Variants in FBH1 observed in about 807,000 individuals in gnomAD.
FBH1 encodes DNA 3'-5' helicase 1.
FBH1 carries 43 observed loss-of-function variants against 115.5 expected under a neutral mutation model. That is an observed-to-expected ratio of 0.37 (90% CI 0.29 to 0.48). The LOEUF (loss-of-function observed/expected upper bound fraction) is 0.48, where lower values mean the gene tolerates loss of function less well. FBH1 is among the 20% of genes least tolerant of loss of function. The pLI is 0.99. For synonymous variants in FBH1, 524 were observed against 507.8 expected, an observed-to-expected ratio of 1.03 and a Z score of -0.43; for missense variants, 1,001 against 1,337.3, an observed-to-expected ratio of 0.75 and a Z score of 3.92.
At position 5,914,144 on chromosome 10, in the gene FBH1, T is replaced by TA; in HGVS notation, c.1305-34_1305-33insA. ...ATCCCCTGGACTTTTCACGTCTTTC[T>TA]GTTTTTCTTACTTCTCTTTTGTAAT... On this transcript the variant is annotated intron_variant, in intron 7 of 20. Transcript: ENST00000362091. The surrounding 1 kb of genome is among the most constrained non-coding windows in gnomAD (Gnocchi z 5.2). 1 of 1,601,486 alleles carries TA rather than the reference T, an allele frequency of 6.2e-7. No individual in the cohort carries two copies. The highest frequency in any genetic ancestry group is 8.6e-7 in the Non-Finnish European group (1 of 1,168,752).
At chr10:5,927,583 A>G (rs1832728658) in intron 19 of FBH1, 42 bp downstream of exon 19, 2 of 1,521,240 alleles carry the variant, frequency 1.3e-6, no homozygotes, top group Non-Finnish European at 9.1e-7. Flanking sequence ...ATGCCATTGA[A>G]TGTTATTTAG....
intron 1 of FBH1, 148 bp from the exon 2 acceptor site, chr10:5,902,872 G>T: frequency 1.8e-6 from 1 of 568,628 alleles, no homozygotes. Flanking sequence ...GACAAAGTTG[G>T]GGGGCAAGGG....
In FBH1 at chr10:5,890,366, T is replaced by G. The variant is rs955736012; in HGVS notation, c.1+20T>G. On this transcript the variant is annotated intron_variant, in intron 1 of 20. Transcript: ENST00000362091. ...GCCACAGTGCGTGAGGCCGCAGACG[T>G]GGCAGGGAGTGTGGGAGGGGCTCCG... 3 of 372,694 alleles carry G rather than the reference T, an allele frequency of 8.0e-6. No individual in the cohort carries two copies. Among genetic ancestry groups the G allele is most frequent in the Non-Finnish European group, 1.5e-5 (3 of 199,956 alleles). The allele number at this position is 372,694 out of a possible 1,614,324, so 23.1% of individuals were successfully genotyped here.
In FBH1 at chr10:5,906,388, C is replaced by T. The variant is rs773482471; in HGVS notation, c.509C>T (p.Thr170Met). 31 of 1,613,990 alleles carry T rather than the reference C, an allele frequency of 1.9e-5. No individual in the cohort carries two copies. Among genetic ancestry groups the T allele is most frequent in the South Asian group, 2.2e-5 (2 of 91,088 alleles). The change falls in exon 3 of 21, where the codon ACG (threonine) becomes ATG (methionine). Residue 170 changes from threonine (T) to methionine (M), a missense_variant. By Grantham distance (81) the Thr-to-Met change is moderately conservative (BLOSUM62 -1). Around this residue, in one of 4 missense-constraint regions of FBH1, gnomAD observed 420 missense variants for 430.4 expected, o/e 0.98. Transcript: ENST00000362091. This position sits in a 1 kb window ranked among gnomAD's most constrained non-coding sequence, Gnocchi z 7.3. ...GCCAGGCAAGAAGCAGAGGACAGTA[C>T]GTCTCGGCTCTCTGCGGAGTCTGGT... is the stretch of plus-strand genomic sequence containing the variant. ...REARQEAEDS[T>M]SRLSAESGET...
rs61755069 is a variant in FBH1 at position 5,915,500 on chromosome 10, C to T, written c.1494C>T (p.Ala498=). The T allele has an allele frequency of 9.1e-5, 147 of 1,614,066 alleles. 1 individual carries two copies. The highest frequency in any genetic ancestry group is 4.4e-4 in the South Asian group (40 of 91,084). ...VTFNKSIAKQ[A]ERVFPSNVIC... The stretch of plus-strand genomic sequence containing the variant: ...TCAACAAGAGCATCGCAAAGCAGGC[C>T]GAACGCGTCTTCCCCAGCAACGTCA... The change falls in exon 9 of 21, where the codon GCC becomes GCT. Residue 498 remains alanine (A), a synonymous_variant. Coordinates refer to ENST00000362091, the MANE Select transcript of FBH1 (RefSeq NM_178150.3). This position sits in a 1 kb window ranked among gnomAD's most constrained non-coding sequence, Gnocchi z 5.2.
In FBH1 at chr10:5,937,272, G is replaced by C. The variant is rs770703881; in HGVS notation, c.3124G>C (p.Val1042Leu). 6.3e-7 allele frequency: 1 copy of C among 1,599,972 alleles called. No homozygotes were observed. The highest frequency in any genetic ancestry group is 1.3e-5 in the African/African-American group (1 of 74,676). The change falls in exon 21 of 21, where the codon GTC (valine) becomes CTC (leucine). Residue 1042 changes from valine (V) to leucine (L), a missense_variant. By Grantham distance (32) the Val-to-Leu change is conservative. Coordinates refer to ENST00000362091, the MANE Select transcript of FBH1 (RefSeq NM_178150.3). ...CCGGCATGAGGCCCTGCTCTTCCTC[G>C]TCTTCTGAGGACAAGGCGCACGTTC... The part of the protein sequence containing the change: ...LPRHEALLFL[V>L]F
rs1400323758 is a variant in FBH1, at chr10:5,909,573, A to T, written c.1020+279A>T. 9.9e-6 allele frequency: 4 copies of T among 406,030 alleles called. No homozygotes were observed. Among genetic ancestry groups the T allele is most frequent in the Admixed American group, 4.1e-5 (1 of 24,582 alleles). 25.2% of individuals were successfully genotyped at this position (406,030 alleles called of 1,614,324 possible). A position where few individuals can be genotyped will look rare whatever the true frequency, so the allele number is the denominator to read the frequency against. On this transcript the variant is annotated intron_variant, in intron 5 of 20. Transcript: ENST00000362091. The surrounding 1 kb of genome is among the most constrained non-coding windows in gnomAD (Gnocchi z 4.4). ...TCTGAAATATTTCTGAAAAGTGGTCATCTAGCCTCTGAACACTTTTAATAA... is the reference window on the plus strand; with the variant it reads ...TCTGAAATATTTCTGAAAAGTGGTCTTCTAGCCTCTGAACACTTTTAATAA...
At position 5,936,365 on chromosome 10, in the gene FBH1, A is replaced by G. The variant is rs1452033516; in HGVS notation, c.2830-91A>G. ...TCTCTGGGACTTACAGTGCATCTAA[A>G]GGGTTCTCACAGAGCCGCCGCTATC... On this transcript the variant is annotated intron_variant, in intron 19 of 20. Coordinates refer to ENST00000362091, the MANE Select transcript of FBH1 (RefSeq NM_178150.3). The surrounding 1 kb of genome is among the most constrained non-coding windows in gnomAD (Gnocchi z 5.6). 2.0e-6 allele frequency: 3 copies of G among 1,466,636 alleles called. No homozygotes were observed. The Admixed American group carries it at 5.3e-5, about 26-fold the overall frequency. 90.9% of individuals were successfully genotyped at this position (1,466,636 alleles called of 1,614,324 possible).
intron 2 of FBH1, 47 bp from the exon 3 acceptor site, chr10:5,905,989 AC>A: frequency 7.3e-7 from 1 of 1,371,976 alleles, no homozygotes; most frequent in Non-Finnish European, 1.0e-6. Context: ...CAGCAGGTCA[AC>A]AGTCATCGTT....
In FBH1 at chr10:5,900,174, G is replaced by A. The variant is rs892274189; in HGVS notation, c.2-2846G>A. Among the ~76,000 whole-genome samples, 1 of 152,192 alleles carries A rather than the reference G, an allele frequency of 6.6e-6. No homozygotes were observed. Among genetic ancestry groups the A allele is most frequent in the African/African-American group, 2.4e-5 (1 of 41,448 alleles). Reference sequence around the variant, plus strand: ...TTAGGTGGCATCTTTATAATTTGAAGGATATTTCAATGTCTTAGGCAGGCT... The same window carrying A: ...TTAGGTGGCATCTTTATAATTTGAAAGATATTTCAATGTCTTAGGCAGGCT... On this transcript the variant is annotated intron_variant, in intron 1 of 20. Coordinates refer to ENST00000362091, the MANE Select transcript of FBH1 (RefSeq NM_178150.3). The surrounding 1 kb of genome is among the most constrained non-coding windows in gnomAD (Gnocchi z 4.2).
chr10:5,902,892 A>T (rs563869063), intron 1 of FBH1, 128 bp from the exon 2 acceptor site: 2 of 752,910 alleles, frequency 2.7e-6, no homozygotes, highest in Non-Finnish European at 3.9e-6. Flanking sequence ...GGAGGGGGGA[A>T]CGGTTGGCTG....
Position 5,915,270 on chromosome 10 carries a change from C to T in FBH1, c.1397-133C>T. On this transcript the variant is annotated intron_variant, in intron 8 of 20. Transcript: ENST00000362091. The surrounding 1 kb of genome is among the most constrained non-coding windows in gnomAD (Gnocchi z 5.2). ...GCTCTTTTGGTGGCACTACTTTTAC[C>T]AGCACTGAAAAACTTGTTACTGTCC... The T allele has an allele frequency of 1.1e-6, 1 of 878,732 alleles. No individual in the cohort carries two copies. Among genetic ancestry groups the T allele is most frequent in the Non-Finnish European group, 1.7e-6 (1 of 587,216 alleles). The allele number at this position is 878,732 out of a possible 1,614,324, so 54.4% of individuals were successfully genotyped here. A position where few individuals can be genotyped will look rare whatever the true frequency, so the allele number is the denominator to read the frequency against.
Position 5,924,471 on chromosome 10 carries a change from G to A in FBH1, c.2559G>A (p.Arg853=). Residue 853 remains arginine (R), a synonymous_variant, in exon 17 of 21, where the codon AGG becomes AGA. Coordinates refer to ENST00000362091, the MANE Select transcript of FBH1 (RefSeq NM_178150.3). The surrounding 1 kb of genome is among the most constrained non-coding windows in gnomAD (Gnocchi z 6.2). ...TCAGGATTCCAGAGCTGGTGCAAAGGATAGAAAAATGCCATATAGAAGATT... is the reference window on the plus strand; with the variant it reads ...TCAGGATTCCAGAGCTGGTGCAAAGAATAGAAAAATGCCATATAGAAGATT... The part of the protein sequence containing the change: ...YNIRIPELVQ[R]IEKCHIEDLD... 6.2e-7 allele frequency: 1 copy of A among 1,614,020 alleles called. No individual in the cohort carries two copies. The highest frequency in any genetic ancestry group is 2.2e-5 in the East Asian group (1 of 44,884).
In FBH1 at chr10:5,918,041, T is replaced by G. The variant is rs571688822; in HGVS notation, c.1964-301T>G. On this transcript the variant is annotated intron_variant, in intron 12 of 20. Transcript: ENST00000362091. The surrounding 1 kb of genome is among the most constrained non-coding windows in gnomAD (Gnocchi z 4.0). ...TTATCCGTCTGACTTTGTAGGTCAA[T>G]TTTGAGTGCTATAATATTAGAGAAG... is the stretch of plus-strand genomic sequence containing the variant. Among the ~76,000 whole-genome samples, 14 of 151,822 alleles carry G rather than the reference T, an allele frequency of 9.2e-5. No homozygotes were observed. In the South Asian group the frequency reaches 2.3e-3, roughly 25 times the overall value.
At position 5,906,965 on chromosome 10, in the gene FBH1, CTTTTTTT is replaced by C. The variant is rs35421692; in HGVS notation, c.753+342_753+348del. On this transcript the variant is annotated intron_variant, in intron 3 of 20. Transcript: ENST00000362091. This position sits in a 1 kb window ranked among gnomAD's most constrained non-coding sequence, Gnocchi z 7.3. ...GGGTTCCTCATATCTCCCTTGACTT[CTTTTTTT>C]TTTTTTTTGAGACAGAGTTTCCCAC... Among the ~76,000 whole-genome samples, 3 of 142,766 alleles carry C rather than the reference CTTTTTTT, an allele frequency of 2.1e-5. No homozygotes were observed. Among genetic ancestry groups the C allele is most frequent in the South Asian group, 4.5e-4 (2 of 4,436 alleles). The allele number at this position is 142,766 out of a possible 152,430, so 93.7% of individuals were successfully genotyped here. A position where few individuals can be genotyped will look rare whatever the true frequency, so the allele number is the denominator to read the frequency against.
intron 1 of FBH1, among the ~76,000 whole-genome samples, chr10:5,891,929 C>T (rs1033811270): frequency 6.6e-6 from 1 of 152,170 alleles, no homozygotes; most frequent in African/African-American, 2.4e-5. Context: ...AATATTTGAA[C>T]CCAGGATAAT....
In FBH1 at chr10:5,914,498, A is replaced by G. The variant is rs1248562065; in HGVS notation, c.1396+229A>G. Among the ~76,000 whole-genome samples, 1 of 152,202 alleles carries G rather than the reference A, an allele frequency of 6.6e-6. No homozygotes were observed. The highest frequency in any genetic ancestry group is 1.5e-5 in the Non-Finnish European group (1 of 68,036). ...CCTGTTGAGACAGGTAGTTCACAGC[A>G]GTTAGTTGGTCGGGCAGATGCCCCC... On this transcript the variant is annotated intron_variant, in intron 8 of 20. Coordinates refer to ENST00000362091, the MANE Select transcript of FBH1 (RefSeq NM_178150.3). This position sits in a 1 kb window ranked among gnomAD's most constrained non-coding sequence, Gnocchi z 5.2.
At position 5,894,970 on chromosome 10, in the gene FBH1, T is replaced by A. The variant is rs560015012; in HGVS notation, c.1+4624T>A. The A allele has an allele frequency of 1.5e-5, 23 of 1,521,996 alleles. No homozygotes were observed. The African/African-American group carries it at 2.9e-4, about 19-fold the overall frequency. 94.3% of individuals were successfully genotyped at this position (1,521,996 alleles called of 1,614,324 possible). Reference sequence around the variant, plus strand: ...GGCGGTTTTATTCCTGCGAAGTGCTTCCTGGCTTGAGTGAATACTTTTATG... The same window carrying A: ...GGCGGTTTTATTCCTGCGAAGTGCTACCTGGCTTGAGTGAATACTTTTATG... On this transcript the variant is annotated intron_variant, in intron 1 of 20. Coordinates refer to ENST00000362091, the MANE Select transcript of FBH1 (RefSeq NM_178150.3).
rs746890811 is a variant in FBH1 at position 5,897,142 on chromosome 10, T to C, written c.2-5878T>C. On this transcript the variant is annotated intron_variant, in intron 1 of 20. Coordinates refer to ENST00000362091, the MANE Select transcript of FBH1 (RefSeq NM_178150.3). The surrounding 1 kb of genome is among the most constrained non-coding windows in gnomAD (Gnocchi z 4.7). ...TTCTTCTGACGTTTCTGTTGCTAGG[T>C]GTTGACATAGATTTAGAGATAGGTG... is the stretch of plus-strand genomic sequence containing the variant. Among the ~76,000 whole-genome samples the C allele has an allele frequency of 2.0e-5, 3 of 152,168 alleles. No individual in the cohort carries two copies. The highest frequency in any genetic ancestry group is 2.9e-5 in the Non-Finnish European group (2 of 68,024).
Sources: allele counts gnomAD v4.1 joint callset (sites outside exome capture counted in the v4.1 genomes callset), GRCh38; gene constraint gnomAD v4.1.1; regional missense constraint gnomAD v4.1.1; non-coding constraint Gnocchi (gnomAD v3.1); transcripts MANE v1.5; gene names NCBI Gene and HGNC (gene_info 2026-07-23, HGNC 2026-07-21).